The following LRP1B variants were observed in gnomAD, a reference collection of about 807,000 sequenced individuals.
LRP1B encodes low-density lipoprotein receptor-related protein 1B.
Under a neutral mutation model 556.6 loss-of-function variants are expected in LRP1B, and 217 were observed. The observed-to-expected ratio is 0.39, with a 90% CI of 0.35 to 0.44. LRP1B has a LOEUF of 0.44. Ranked by LOEUF, LRP1B falls within the 20% of genes least tolerant of loss-of-function variation. The pLI is 1.00. For synonymous variants in LRP1B, 2,047 were observed against 1,865.8 expected (o/e 1.10, Z -2.50); for missense variants, 5,053 against 5,620.8 (o/e 0.90, Z 3.23).
chr2:141,150,869 T>TGTG (rs1553467366), intron 7 of LRP1B, among the ~76,000 whole-genome samples: 4,156 of 138,706 alleles, frequency 0.03, 125 homozygotes, highest in East Asian at 0.039. Flanking sequence ...TCATGCTGGT[T>TGTG]TGTGTGTGTG....
intron 14 of LRP1B, among the ~76,000 whole-genome samples, chr2:141,008,592 T>C (rs1697648438): frequency 6.6e-6 from 1 of 151,724 alleles, no homozygotes; most frequent in African/African-American, 2.4e-5. Flanking sequence ...AAATCAAATA[T>C]GTAAGGAAAG....
intron 24 of LRP1B, among the ~76,000 whole-genome samples, chr2:140,885,143 C>T (rs1245337991): frequency 6.6e-6 from 1 of 152,092 alleles, no homozygotes; most frequent in Non-Finnish European, 1.5e-5. Flanking sequence ...ACCAATTAAT[C>T]CTATGAATCT....
chr2:140,543,523 A>C (rs6738395), intron 43 of LRP1B, among the ~76,000 whole-genome samples: 1 of 151,658 alleles, frequency 6.6e-6, no homozygotes, highest in Non-Finnish European at 1.5e-5. Context: ...GTCCCAATAC[A>C]TGCAGAAAAA....
At position 140,913,960 on chromosome 2, in the gene LRP1B, G is replaced by T. The variant is rs72990144; in HGVS notation, c.3320-5883C>A. ...CTGTTATCTAAAGGTATAAAAGCAG[G>T]AAAGAATGGGACCTGTTCAAAAAGC... On this transcript the variant is annotated intron_variant, in intron 21 of 90. Coordinates refer to ENST00000389484, the MANE Select transcript of LRP1B (RefSeq NM_018557.3). 9.7e-3 allele frequency among the ~76,000 whole-genome samples: 1,481 copies of T among 152,154 alleles called. 24 individuals are homozygous for T. The highest frequency in any genetic ancestry group is 0.033 in the African/African-American group (1,364 of 41,544).
chr2:141,808,878 C>A (rs1381986795), intron 2 of LRP1B, among the ~76,000 whole-genome samples: 2 of 152,058 alleles, frequency 1.3e-5, no homozygotes, highest in African/African-American at 4.8e-5. Flanking sequence ...GCTTCTTCCC[C>A]TTAGCGTGTT....
intron 23 of LRP1B, among the ~76,000 whole-genome samples, chr2:140,886,773 AG>A (rs1693648768): frequency 6.6e-6 from 1 of 152,174 alleles, no homozygotes; most frequent in African/African-American, 2.4e-5. Flanking sequence ...CCAACAACAA[AG>A]AAAAAGAGAT....
At chr2:140,786,115 C>G (rs900641404) in intron 32 of LRP1B, among the ~76,000 whole-genome samples, 1 of 152,176 alleles carries the variant, frequency 6.6e-6, no homozygotes, top group Non-Finnish European at 1.5e-5. Context: ...AATGGCTTCC[C>G]CCTGCCAAAG....
At chr2:140,952,024 G>A in intron 18 of LRP1B, 84 bp from the exon 19 acceptor site, 1 of 956,522 alleles carries the variant, frequency 1.0e-6, no homozygotes, top group South Asian at 1.4e-5. Flanking sequence ...AATGTGATCA[G>A]AACTCCTTCC....
At chr2:140,768,165 A>G (rs917259726) in intron 35 of LRP1B, among the ~76,000 whole-genome samples, 1 of 151,912 alleles carries the variant, frequency 6.6e-6, no homozygotes, top group Non-Finnish European at 1.5e-5. Flanking sequence ...TTGGTGCAAA[A>G]CAATCTACTT....
intron 77 of LRP1B, among the ~76,000 whole-genome samples, chr2:140,348,485 C>T (rs1402415960): frequency 6.6e-6 from 1 of 152,002 alleles, no homozygotes; most frequent in Non-Finnish European, 1.5e-5. Context: ...AAAATGCACT[C>T]CTACTGTTAT....
At chr2:141,055,031 G>C (rs1183035942) in intron 10 of LRP1B, 85 bp downstream of exon 10, 1 of 1,467,538 alleles carries the variant, frequency 6.8e-7, no homozygotes, top group Non-Finnish European at 9.3e-7. Flanking sequence ...CTCATGTTAT[G>C]ACTGATGTTG....
intron 27 of LRP1B, among the ~76,000 whole-genome samples, chr2:140,861,050 A>C (rs531079893): frequency 3.3e-5 from 5 of 152,112 alleles, no homozygotes; most frequent in African/African-American, 1.2e-4. Flanking sequence ...TTATCTATTT[A>C]AGTTATTTAA....
At chr2:140,858,237 A>T (rs1274724504) in intron 27 of LRP1B, among the ~76,000 whole-genome samples, 1 of 152,094 alleles carries the variant, frequency 6.6e-6, no homozygotes, top group Admixed American at 6.6e-5. Flanking sequence ...AAAATATGTA[A>T]TGTGCAGACA....
intron 2 of LRP1B, among the ~76,000 whole-genome samples, chr2:141,780,371 A>G (rs1695215582): frequency 6.6e-6 from 1 of 152,048 alleles, no homozygotes; most frequent in Admixed American, 6.6e-5. Flanking sequence ...TGGGAGAGCT[A>G]TTTCCCTTTG....
At chr2:141,797,146 C>CATATAT (rs6146945) in intron 2 of LRP1B, among the ~76,000 whole-genome samples, 5,817 of 77,906 alleles carry the variant, frequency 0.075, 359 homozygotes, top group Non-Finnish European at 0.091. Context: ...TGAAAATAAT[C>CATATAT]ATATATATAT....
intron 1 of LRP1B, among the ~76,000 whole-genome samples, chr2:141,975,742 T>C (rs1264799636): frequency 1.3e-5 from 2 of 152,092 alleles, no homozygotes. Context: ...GATTCAGCAA[T>C]GAAGGGAATG....
intron 27 of LRP1B, among the ~76,000 whole-genome samples, chr2:140,855,905 T>A (rs1451369356): frequency 6.6e-6 from 1 of 152,192 alleles, no homozygotes; most frequent in Non-Finnish European, 1.5e-5. Flanking sequence ...AGCATTTTTT[T>A]ATTTCATTTT....
chr2:141,390,860 T>C (rs541242289), intron 3 of LRP1B, among the ~76,000 whole-genome samples: 2 of 152,354 alleles, frequency 1.3e-5, no homozygotes, highest in South Asian at 2.1e-4. Context: ...ACATTGCTAA[T>C]GTACTAATTG....
intron 7 of LRP1B, among the ~76,000 whole-genome samples, chr2:141,101,579 TACTC>T (rs1276182888): frequency 2.6e-5 from 4 of 152,296 alleles, no homozygotes; most frequent in South Asian, 2.1e-4. Flanking sequence ...ATTTATATCT[TACTC>T]AGGTGATACT....
Sources: allele counts gnomAD v4.1 joint callset (sites outside exome capture counted in the v4.1 genomes callset), GRCh38; gene constraint gnomAD v4.1.1; transcripts MANE v1.5; gene names NCBI Gene and HGNC (gene_info 2026-07-23, HGNC 2026-07-21).